The following CTIF variants were observed in gnomAD, a reference collection of about 807,000 sequenced individuals.
CTIF encodes the protein cap binding complex dependent translation initiation factor.
In CTIF, 21 loss-of-function variants were observed where a neutral mutation model predicts 66.0. The observed-to-expected ratio is 0.32, with a 90% CI of 0.23 to 0.46. The LOEUF (loss-of-function observed/expected upper bound fraction) is 0.46, where lower values mean the gene tolerates loss of function less well. Ranked by LOEUF, CTIF falls within the 20% of genes least tolerant of loss-of-function variation. CTIF has a pLI of 1.00. For synonymous variants in CTIF, 345 were observed against 326.4 expected, an observed-to-expected ratio of 1.06 and a Z score of -0.62; for missense variants, 739 against 812.7, an observed-to-expected ratio of 0.91 and a Z score of 1.10.
chr18:48,666,635 C>T (rs551607631), intron 5 of CTIF, among the ~76,000 whole-genome samples: 2 of 152,366 alleles, frequency 1.3e-5, no homozygotes, highest in Admixed American at 1.3e-4. Flanking sequence ...TCATTGCCCT[C>T]CCTGTTGTGG....
At chr18:48,583,318 T>G (rs2089699792) in intron 1 of CTIF, among the ~76,000 whole-genome samples, 1 of 152,210 alleles carries the variant, frequency 6.6e-6, no homozygotes. Flanking sequence ...TTCGTGAAAT[T>G]AGATGCTGCA....
intron 1 of CTIF, among the ~76,000 whole-genome samples, chr18:48,606,711 C>T (rs2090208509): frequency 6.6e-6 from 1 of 152,174 alleles, no homozygotes; most frequent in African/African-American, 2.4e-5. Flanking sequence ...GAGTGGAGCT[C>T]TGGGACCCTC....
intron 1 of CTIF, among the ~76,000 whole-genome samples, chr18:48,604,971 G>T (rs531765722): frequency 6.6e-6 from 1 of 152,122 alleles, no homozygotes; most frequent in South Asian, 2.1e-4. Context: ...TCCTTCTAAT[G>T]GCTGAGTAAT....
At chr18:48,817,771 T>G in intron 10 of CTIF, among the ~76,000 whole-genome samples, 1 of 130,186 alleles carries the variant, frequency 7.7e-6, no homozygotes, top group Admixed American at 7.7e-5. Flanking sequence ...CGAGACTCGG[T>G]CTCCAAAAAA....
chr18:48,639,279 T>C (rs1198678322), intron 3 of CTIF, among the ~76,000 whole-genome samples: 1 of 152,150 alleles, frequency 6.6e-6, no homozygotes, highest in Non-Finnish European at 1.5e-5. Flanking sequence ...AGCGATTTCT[T>C]AGAGGTTTGT....
At chr18:48,850,539 G>T (rs2069177929) in intron 10 of CTIF, among the ~76,000 whole-genome samples, 1 of 152,228 alleles carries the variant, frequency 6.6e-6, no homozygotes, top group African/African-American at 2.4e-5. Flanking sequence ...AGGTCATTTA[G>T]GCCAAGATAG....
chr18:48,750,095 G>T (rs921801269), intron 7 of CTIF, among the ~76,000 whole-genome samples: 1 of 152,234 alleles, frequency 6.6e-6, no homozygotes, highest in East Asian at 1.9e-4. Flanking sequence ...TATTCATAAC[G>T]TGCTTTTGTT....
At position 48,859,526 on chromosome 18, in the gene CTIF, C is replaced by T; in HGVS notation, c.1764C>T (p.Tyr588=). Residue 588 remains tyrosine, a synonymous_variant, in exon 12 of 12, where the codon TAC becomes TAT. Transcript: ENST00000256413. ...WNPLTPPITQ[Y]YNRTIQKLTA ...CTCTGACGCCCCCCATCACGCAGTA[C>T]TACAACAGAACCATCCAGAAACTGA... 1 of 1,614,144 alleles carries T rather than the reference C, an allele frequency of 6.2e-7. No homozygotes were observed. The highest frequency in any genetic ancestry group is 8.5e-7 in the Non-Finnish European group (1 of 1,180,042).
At chr18:48,746,486 A>G (rs1018177772) in intron 7 of CTIF, among the ~76,000 whole-genome samples, 7 of 150,986 alleles carry the variant, frequency 4.6e-5, no homozygotes, top group African/African-American at 1.7e-4. Context: ...CGCAGGGACA[A>G]GCAGATGCGG....
At chr18:48,640,559 T>G (rs1040987036) in intron 3 of CTIF, among the ~76,000 whole-genome samples, 1 of 152,220 alleles carries the variant, frequency 6.6e-6, no homozygotes, top group Non-Finnish European at 1.5e-5. Context: ...GACAATTAGT[T>G]TCAGGGAGAA....
intron 1 of CTIF, among the ~76,000 whole-genome samples, chr18:48,605,970 G>C (rs550959405): frequency 6.6e-6 from 1 of 152,222 alleles, no homozygotes; most frequent in Non-Finnish European, 1.5e-5. Flanking sequence ...GAAGTAACTG[G>C]GGAAACCAAC....
In CTIF at chr18:48,783,489, G is replaced by A. The variant is rs188140514; in HGVS notation, c.1371+21800G>A. 3.0e-3 allele frequency among the ~76,000 whole-genome samples: 454 copies of A among 152,252 alleles called. 2 individuals carry two copies. The Middle Eastern group carries it at 0.041, about 14-fold the overall frequency. On this transcript the variant is annotated intron_variant, in intron 9 of 11. Transcript: ENST00000256413. ...ATAAATCTTGGAGCTCAGGACTCTGGTTCCAGAACAGCACGGTTCACCTGG... is the reference window on the plus strand; with the variant it reads ...ATAAATCTTGGAGCTCAGGACTCTGATTCCAGAACAGCACGGTTCACCTGG...
At position 48,678,707 on chromosome 18, in the gene CTIF, C is replaced by G. The variant is rs375083702; in HGVS notation, c.507+7963C>G. 3.3e-5 allele frequency among the ~76,000 whole-genome samples: 5 copies of G among 151,726 alleles called. No individual in the cohort carries two copies. In the South Asian group the frequency reaches 1.0e-3, roughly 32 times the overall value. ...TCTGCGTCTAGATGGGGTTTCCACGCGGGCCTCCTCCTGCTCACTCCATGC... is the reference window on the plus strand; with the variant it reads ...TCTGCGTCTAGATGGGGTTTCCACGGGGGCCTCCTCCTGCTCACTCCATGC... On this transcript the variant is annotated intron_variant, in intron 6 of 11. Coordinates refer to ENST00000256413, the MANE Select transcript of CTIF (RefSeq NM_014772.3).
Position 48,756,123 on chromosome 18 carries a change from C to T in CTIF, c.585-1796C>T, listed in dbSNP as rs139240461. 4.9e-3 allele frequency: 747 copies of T among 152,348 alleles called. 5 individuals carry two copies. Among genetic ancestry groups the T allele is most frequent in the Non-Finnish European group, 7.7e-3 (525 of 68,060 alleles). 9.4% of individuals were successfully genotyped at this position (152,348 alleles called of 1,614,324 possible). A position where few individuals can be genotyped will look rare whatever the true frequency, so the allele number is the denominator to read the frequency against. On this transcript the variant is annotated intron_variant, in intron 7 of 11. Transcript: ENST00000256413. ...GGGCAGCCTAGCAAGACAGAAAACTCGAGACAGTAGCTACTTTCCTCCAGC... is the reference window on the plus strand; with the variant it reads ...GGGCAGCCTAGCAAGACAGAAAACTTGAGACAGTAGCTACTTTCCTCCAGC...
intron 1 of CTIF, among the ~76,000 whole-genome samples, chr18:48,583,502 C>T (rs548922474): frequency 7.2e-5 from 11 of 152,142 alleles, no homozygotes; most frequent in African/African-American, 2.4e-4. Context: ...GGGCGCCGAT[C>T]TCGGTTTGTA....
intron 1 of CTIF, among the ~76,000 whole-genome samples, chr18:48,573,818 G>A (rs1052600267): frequency 1.3e-5 from 2 of 152,218 alleles, no homozygotes; most frequent in Non-Finnish European, 2.9e-5. Context: ...GGGACGGGAA[G>A]GCAGCACACT....
chr18:48,773,579 C>T (rs938997342), intron 9 of CTIF, among the ~76,000 whole-genome samples: 2 of 152,226 alleles, frequency 1.3e-5, no homozygotes, highest in African/African-American at 4.8e-5. Flanking sequence ...GCTCCAAGAG[C>T]TTCTGGGACA....
At chr18:48,661,355 A>G (rs2091342356) in intron 3 of CTIF, among the ~76,000 whole-genome samples, 1 of 152,152 alleles carries the variant, frequency 6.6e-6, no homozygotes, top group South Asian at 2.1e-4. Flanking sequence ...GAGGTCTGCA[A>G]TAGATGCTTT....
Position 48,742,572 on chromosome 18 carries a change from G to A in CTIF, c.585-15347G>A, listed in dbSNP as rs191870446. Among the ~76,000 whole-genome samples, 5 of 152,372 alleles carry A rather than the reference G, an allele frequency of 3.3e-5. No homozygotes were observed. In the East Asian group the frequency reaches 5.8e-4, roughly 18 times the overall value. On this transcript the variant is annotated intron_variant, in intron 7 of 11. Coordinates refer to ENST00000256413, the MANE Select transcript of CTIF (RefSeq NM_014772.3). ...TGACTTATCACTGCTGCCATTTCCC[G>A]AGTGAGTGATGACAGCAGCAGCGGG... is the stretch of plus-strand genomic sequence containing the variant.
Sources: gnomAD v4.1 joint callset for allele counts (sites outside exome capture counted in the v4.1 genomes callset) on GRCh38, gnomAD v4.1.1 for gene constraint, MANE v1.5 for transcripts, NCBI Gene and HGNC (gene_info 2026-07-23, HGNC 2026-07-21) for gene names.